PCDH19: variants seen among roughly 807,000 people sequenced by gnomAD.
PCDH19 encodes the protein protocadherin 19, also known as protocadherin-19.
Under a neutral mutation model 46.2 loss-of-function variants are expected in PCDH19, and 6 were observed. The observed-to-expected ratio is 0.13, with a 90% CI of 0.07 to 0.26. The LOEUF (loss-of-function observed/expected upper bound fraction) is 0.26, where lower values mean the gene tolerates loss of function less well. PCDH19 is among the 10% of genes least tolerant of loss of function. The pLI, the probability that PCDH19 is intolerant of heterozygous loss-of-function variation, is 1.00. For missense variants in PCDH19, 740 were observed against 972.3 expected, an observed-to-expected ratio of 0.76 and a Z score of 3.18; for synonymous variants, 481 against 415.7, an observed-to-expected ratio of 1.16 and a Z score of -1.91.
chrX:100,407,667 C>T lies in PCDH19; in HGVS notation c.931G>A (p.Val311Met). The change falls in exon 1 of 6, where the codon GTG (valine) becomes ATG (methionine). Residue 311 changes from valine to methionine, a missense_variant. By Grantham distance (21) the Val-to-Met change is conservative. This residue lies in a region of PCDH19 where 186 missense variants were observed against 319.9 expected (regional missense o/e 0.58). Coordinates refer to ENST00000373034, the MANE Select transcript of PCDH19 (RefSeq NM_001184880.2). ...TGALDYEEGH[V>M]YELDVQAKDL... is the part of the protein sequence containing the mutation. ...TTAGCCTGCACGTCCAGTTCGTACA[C>T]GTGCCCCTCTTCGTAGTCTAAAGCG... 8.2e-7 allele frequency: 1 copy of T among 1,212,314 alleles called. No homozygotes were observed. Among genetic ancestry groups the T allele is most frequent in the Non-Finnish European group, 1.1e-6 (1 of 895,638 alleles).
chrX:100,309,154 G>GCATGCACACACACACACA (rs1925045838), intron 5 of PCDH19, among the ~76,000 whole-genome samples: 1 of 81,769 alleles, frequency 1.2e-5, no homozygotes, highest in South Asian at 5.9e-4. Flanking sequence ...TGTGATGCAT[G>GCATGCACACACACACACA]CACACACACA....
At chrX:100,363,356 AT>A (rs557501108) in intron 3 of PCDH19, among the ~76,000 whole-genome samples, 47 of 102,583 alleles carry the variant, frequency 4.6e-4, no homozygotes, top group Admixed American at 1.1e-3. Flanking sequence ...CTTCTAGGGG[AT>A]TTTTTTTTTT....
chrX:100,381,154 T>C, intron 3 of PCDH19, among the ~76,000 whole-genome samples: 1 of 112,224 alleles, frequency 8.9e-6, no homozygotes, highest in East Asian at 2.8e-4. Context: ...AGGCCAAAGA[T>C]AAATATTAGT....
chrX:100,402,632 C>T lies in PCDH19; in HGVS notation c.2508G>A (p.Glu836=), dbSNP rs769650296. ...RRSESTFLNV[E]NQNTRNTSAN... ...CACTGGTGTTGCGGGTATTCTGGTT[C>T]TCCACATTCAGGAAAGTGCTCTCAG... Residue 836 remains glutamate, a synonymous_variant, in exon 3 of 6, where the codon GAG becomes GAA. Coordinates refer to ENST00000373034, the MANE Select transcript of PCDH19 (RefSeq NM_001184880.2). 8.3e-7 allele frequency: 1 copy of T among 1,211,300 alleles called. No individual in the cohort carries two copies. Among genetic ancestry groups the T allele is most frequent in the Non-Finnish European group, 1.1e-6 (1 of 895,088 alleles).
Position 100,409,772 on chromosome X carries a change from C to A in PCDH19, c.-1175G>T. 1 of 217,121 alleles carries A rather than the reference C, an allele frequency of 4.6e-6. No individual in the cohort carries two copies. 17.9% of individuals were successfully genotyped at this position (217,121 alleles called of 1,213,427 possible). ...AAGCCCTCCTAGCTCAGTTGCACGT[C>A]GCTGGGGTCCGCCTCAGCAGCTGCC... On this transcript the variant is annotated 5_prime_UTR_variant, in exon 1 of 6. Coordinates refer to ENST00000373034, the MANE Select transcript of PCDH19 (RefSeq NM_001184880.2).
intron 5 of PCDH19, among the ~76,000 whole-genome samples, chrX:100,313,901 A>ACACACACACACACT (rs1220794158): frequency 1.8e-4 from 18 of 102,074 alleles, no homozygotes; most frequent in Non-Finnish European, 3.2e-4. Flanking sequence ...ACACACACAC[A>ACACACACACACACT]CACACAAAGT....
intron 3 of PCDH19, among the ~76,000 whole-genome samples, chrX:100,377,890 A>C (rs1239975354): frequency 8.9e-6 from 1 of 112,164 alleles, no homozygotes; most frequent in Admixed American, 9.4e-5. Context: ...AATCCAATGT[A>C]CTGGTATAGA....
At chrX:100,373,999 AT>A (rs1435627153) in intron 3 of PCDH19, among the ~76,000 whole-genome samples, 1 of 112,423 alleles carries the variant, frequency 8.9e-6, no homozygotes, top group Non-Finnish European at 1.9e-5. Flanking sequence ...AGAAGGTCCC[AT>A]AAAAATGAGG....
At chrX:100,353,180 G>A (rs187481453) in intron 3 of PCDH19, among the ~76,000 whole-genome samples, 266 of 111,692 alleles carry the variant, frequency 2.4e-3, no homozygotes, top group Middle Eastern at 4.6e-3. Flanking sequence ...ATAAAATAGT[G>A]GCACATGCAT....
intron 5 of PCDH19, among the ~76,000 whole-genome samples, chrX:100,313,701 G>C (rs1007344381): frequency 1.8e-5 from 2 of 111,291 alleles, no homozygotes; most frequent in Non-Finnish European, 3.8e-5. Flanking sequence ...CATATATTAA[G>C]ACATGGCACA....
At chrX:100,356,446 A>C (rs1423522628) in intron 3 of PCDH19, among the ~76,000 whole-genome samples, 1 of 111,922 alleles carries the variant, frequency 8.9e-6, no homozygotes, top group African/African-American at 3.3e-5. Context: ...CTCCTCACAA[A>C]GATGGCTTTT....
At chrX:100,385,903 G>GA in intron 3 of PCDH19, among the ~76,000 whole-genome samples, 1 of 110,670 alleles carries the variant, frequency 9.0e-6, no homozygotes, top group South Asian at 3.9e-4. Context: ...CAAAAAAAAA[G>GA]AAAAAATCTT....
At chrX:100,378,077 T>G (rs1257721789) in intron 3 of PCDH19, among the ~76,000 whole-genome samples, 2 of 112,627 alleles carry the variant, frequency 1.8e-5, no homozygotes, top group Admixed American at 1.9e-4. Context: ...CAAACACTAT[T>G]CTTAAGTTGT....
At chrX:100,376,246 A>G (rs1927377866) in intron 3 of PCDH19, among the ~76,000 whole-genome samples, 1 of 91,056 alleles carries the variant, frequency 1.1e-5, no homozygotes, top group African/African-American at 4.2e-5. Flanking sequence ...AAAAAAAAAA[A>G]AAAAAAAAGA....
chrX:100,399,194 T>C (rs1472303626), intron 3 of PCDH19, among the ~76,000 whole-genome samples: 2 of 112,119 alleles, frequency 1.8e-5, no homozygotes, highest in Admixed American at 9.4e-5. Flanking sequence ...GAAATTTCTA[T>C]AGAATCTTAT....
chrX:100,309,157 C>CACACACACACAT (rs11268243), intron 5 of PCDH19, among the ~76,000 whole-genome samples: 30,624 of 106,833 alleles, frequency 0.29, 3,486 homozygotes, highest in Non-Finnish European at 0.34. Flanking sequence ...GATGCATGCA[C>CACACACACACAT]ACACACACAC....
rs999749949 is a variant in PCDH19 at position 100,296,318 on chromosome X, CTT to C, written c.3404_3405del (p.Lys1135ArgfsTer28). On this transcript the variant is annotated frameshift_variant, in exon 6 of 6. Coordinates refer to ENST00000373034, the MANE Select transcript of PCDH19 (RefSeq NM_001184880.2). LOFTEE classifies it high-confidence loss of function. ...TTCAGACGCTTCACACCAGGGGACTCTTTGTTGCGACCTTCCTTCAGAATGGG... is the reference window on the plus strand; with the variant it reads ...TTCAGACGCTTCACACCAGGGGACTCTGTTGCGACCTTCCTTCAGAATGGG... ...VSPILKEGRN[K>X]ESPGVKRLKD... is the part of the protein sequence containing the mutation. 2.5e-6 allele frequency: 3 copies of C among 1,209,863 alleles called. No homozygotes were observed. In the African/African-American group the frequency reaches 5.2e-5, roughly 21 times the overall value.
intron 5 of PCDH19, among the ~76,000 whole-genome samples, chrX:100,328,803 C>G (rs1268146710): frequency 8.9e-6 from 1 of 112,380 alleles, no homozygotes; most frequent in Non-Finnish European, 1.9e-5. Context: ...GCAAGTCAGT[C>G]ATTTTCCTTC....
At chrX:100,297,173 G>A (rs1924643491) in intron 5 of PCDH19, among the ~76,000 whole-genome samples, 1 of 111,457 alleles carries the variant, frequency 9.0e-6, no homozygotes, top group African/African-American at 3.3e-5. Flanking sequence ...GTGTCAAGGT[G>A]CTGAGAGTCA....
Sources: gnomAD v4.1 joint callset for allele counts (sites outside exome capture counted in the v4.1 genomes callset) on GRCh38, gnomAD v4.1.1 for gene constraint, gnomAD v4.1.1 regional missense constraint, MANE v1.5 for transcripts, NCBI Gene and HGNC (gene_info 2026-07-23, HGNC 2026-07-21) for gene names.